FHIT: variants seen among roughly 807,000 people sequenced by gnomAD.
The protein encoded by FHIT is bis(5'-adenosyl)-triphosphatase.
Under a neutral mutation model 17.9 loss-of-function variants are expected in FHIT, and 19 were observed. The observed-to-expected ratio is 1.06, with a 90% CI of 0.74 to 1.56. The LOEUF (loss-of-function observed/expected upper bound fraction) is 1.56, where lower values mean the gene tolerates loss of function less well. Ranked by LOEUF, FHIT falls within the 40% of genes most tolerant of loss-of-function variation. The pLI, the probability that FHIT is intolerant of heterozygous loss-of-function variation, is 0.00. For missense variants in FHIT, 248 were observed against 189.2 expected (o/e 1.31, Z -1.82); for synonymous variants, 81 against 69.7 (o/e 1.16, Z -0.81).
chr3:60,922,118 A>C (rs1175128467), intron 3 of FHIT, among the ~76,000 whole-genome samples: 1 of 152,204 alleles, frequency 6.6e-6, no homozygotes, highest in African/African-American at 2.4e-5. Context: ...ATAGAAATAA[A>C]TAAATAAGCT....
At chr3:60,477,454 C>T (rs2033403042) in intron 5 of FHIT, among the ~76,000 whole-genome samples, 1 of 152,156 alleles carries the variant, frequency 6.6e-6, no homozygotes, top group Admixed American at 6.5e-5. Flanking sequence ...TCTTCTCTGA[C>T]ATCATTACTA....
chr3:60,163,286 A>G (rs1368950155), intron 5 of FHIT, among the ~76,000 whole-genome samples: 2 of 152,064 alleles, frequency 1.3e-5, no homozygotes, highest in Non-Finnish European at 2.9e-5. Flanking sequence ...GTTACAATAC[A>G]TGCTACTATG....
intron 4 of FHIT, among the ~76,000 whole-genome samples, chr3:60,545,875 A>ATTG (rs1268841718): frequency 2.6e-5 from 4 of 151,754 alleles, no homozygotes; most frequent in African/African-American, 9.7e-5. Context: ...TCTTTGTCTC[A>ATTG]TTGCTTCATT....
chr3:59,855,348 G>C (rs909976332), intron 8 of FHIT, among the ~76,000 whole-genome samples: 1 of 152,116 alleles, frequency 6.6e-6, no homozygotes, highest in African/African-American at 2.4e-5. Flanking sequence ...AGGTCATTAT[G>C]TTCCTGAGTG....
Position 60,055,792 on chromosome 3 carries a change from G to A in FHIT, c.104-41640C>T, listed in dbSNP as rs369159693. ...TCACACAACTAGCACTTAGAGGAAC[G>A]GGAAGGCTAACTCGGAGCTGATGCT... On this transcript the variant is annotated intron_variant, in intron 5 of 9. Coordinates refer to ENST00000492590, the MANE Select transcript of FHIT (RefSeq NM_002012.4). 5.3e-5 allele frequency among the ~76,000 whole-genome samples: 8 copies of A among 152,214 alleles called. No individual in the cohort carries two copies. The East Asian group carries it at 5.8e-4, about 11-fold the overall frequency.
intron 3 of FHIT, among the ~76,000 whole-genome samples, chr3:60,951,580 T>C (rs1367346297): frequency 6.6e-6 from 1 of 152,208 alleles, no homozygotes; most frequent in Admixed American, 6.5e-5. Flanking sequence ...TCTTGACACC[T>C]AACGACCTTC....
chr3:60,564,521 T>G (rs1035637457), intron 4 of FHIT, among the ~76,000 whole-genome samples: 8 of 152,172 alleles, frequency 5.3e-5, no homozygotes, highest in Non-Finnish European at 1.5e-5. Flanking sequence ...CTGGAAAGGA[T>G]TCACCATTCT....
At chr3:61,042,675 C>A (rs1017278196) in intron 2 of FHIT, among the ~76,000 whole-genome samples, 1 of 151,840 alleles carries the variant, frequency 6.6e-6, no homozygotes, top group East Asian at 1.9e-4. Context: ...CCTGTCTCTA[C>A]TAAAAATACA....
chr3:61,063,737 G>A (rs1394984317), intron 2 of FHIT, among the ~76,000 whole-genome samples: 1 of 152,114 alleles, frequency 6.6e-6, no homozygotes, highest in Non-Finnish European at 1.5e-5. Context: ...CATGCCTCAA[G>A]GGAAGAAGGC....
chr3:60,221,535 T>G (rs1335490630), intron 5 of FHIT, among the ~76,000 whole-genome samples: 1 of 152,220 alleles, frequency 6.6e-6, no homozygotes, highest in Non-Finnish European at 1.5e-5. Context: ...GGCTTCAATA[T>G]GTACTAAGAA....
intron 4 of FHIT, among the ~76,000 whole-genome samples, chr3:60,596,567 G>T (rs1277914064): frequency 6.6e-6 from 1 of 152,006 alleles, no homozygotes; most frequent in Admixed American, 6.6e-5. Context: ...TGCTGTTCTT[G>T]GTGTTTGAAT....
At chr3:60,364,488 G>A (rs1700030524) in intron 5 of FHIT, among the ~76,000 whole-genome samples, 1 of 152,208 alleles carries the variant, frequency 6.6e-6, no homozygotes, top group African/African-American at 2.4e-5. Context: ...TACCTGGTAT[G>A]CAGTAGGTAA....
chr3:60,861,241 C>A (rs75628110), intron 3 of FHIT, among the ~76,000 whole-genome samples: 1 of 37,128 alleles, frequency 2.7e-5, no homozygotes, highest in African/African-American at 2.1e-4. Flanking sequence ...TATATCATAT[C>A]ATATATGATA....
intron 3 of FHIT, among the ~76,000 whole-genome samples, chr3:60,933,144 A>G (rs782421340): frequency 2.6e-5 from 4 of 152,222 alleles, no homozygotes; most frequent in African/African-American, 4.8e-5. Context: ...CATATTCTCA[A>G]TATATTAACT....
chr3:59,870,776 T>C lies in FHIT; in HGVS notation c.348+51570A>G, dbSNP rs1014815143. On this transcript the variant is annotated intron_variant, in intron 8 of 9. Transcript: ENST00000492590. Reference sequence around the variant, plus strand: ...TATTTGATAAACCAAACATTTTCCCTGTTATTGCTAGAAGCAGACACACAT... The same window carrying C: ...TATTTGATAAACCAAACATTTTCCCCGTTATTGCTAGAAGCAGACACACAT... 3.3e-5 allele frequency among the ~76,000 whole-genome samples: 5 copies of C among 152,320 alleles called. No homozygotes were observed. In the South Asian group the frequency reaches 1.0e-3, roughly 32 times the overall value.
At chr3:60,977,850 A>G (rs1710328659) in intron 3 of FHIT, among the ~76,000 whole-genome samples, 1 of 152,188 alleles carries the variant, frequency 6.6e-6, no homozygotes, top group African/African-American at 2.4e-5. Flanking sequence ...CAGCCTGGAC[A>G]ACGAGAGCGA....
chr3:60,738,123 GGGA>G (rs1204618320), intron 4 of FHIT, among the ~76,000 whole-genome samples: 1 of 152,162 alleles, frequency 6.6e-6, no homozygotes, highest in Non-Finnish European at 1.5e-5. Context: ...GGAGAGGAAA[GGGA>G]GGAGGAGAAC....
intron 2 of FHIT, among the ~76,000 whole-genome samples, chr3:61,118,805 T>G (rs1317510611): frequency 3.9e-5 from 6 of 152,296 alleles, no homozygotes; most frequent in Non-Finnish European, 1.5e-5. Context: ...CATAAAGTTA[T>G]TTATTTATTA....
chr3:60,970,586 C>T (rs1181032169), intron 3 of FHIT, among the ~76,000 whole-genome samples: 1 of 151,822 alleles, frequency 6.6e-6, no homozygotes, highest in African/African-American at 2.4e-5. Flanking sequence ...TATCCATTTT[C>T]CCCCTCTATC....
Sources: gnomAD v4.1 joint callset for allele counts (sites outside exome capture counted in the v4.1 genomes callset) on GRCh38, gnomAD v4.1.1 for gene constraint, MANE v1.5 for transcripts, NCBI Gene and HGNC (gene_info 2026-07-23, HGNC 2026-07-21) for gene names.